The following SLC12A5 variants were observed in gnomAD, a reference collection of about 807,000 sequenced individuals.
SLC12A5 encodes solute carrier family 12 member 5.
A neutral mutation model predicts 124.0 loss-of-function variants in SLC12A5; 18 were observed. That is an observed-to-expected ratio of 0.15 (90% confidence interval 0.10 to 0.22). The LOEUF (loss-of-function observed/expected upper bound fraction) is 0.22, where lower values mean the gene tolerates loss of function less well. Ranked by LOEUF, SLC12A5 falls within the 10% of genes least tolerant of loss-of-function variation. The pLI, the probability that SLC12A5 is intolerant of heterozygous loss-of-function variation, is 1.00. For missense variants in SLC12A5, 867 were observed against 1,478.7 expected, an observed-to-expected ratio of 0.59 and a Z score of 6.78; for synonymous variants, 589 against 568.0, an observed-to-expected ratio of 1.04 and a Z score of -0.53.
At chr20:46,036,057 A>G in intron 4 of SLC12A5, 134 bp downstream of exon 4, 1 of 1,145,420 alleles carries the variant, frequency 8.7e-7, no homozygotes, top group Non-Finnish European at 1.2e-6. Context: ...TTTGAGAGTA[A>G]ATTAGGCCTG....
chr20:46,043,411 A>C (rs1481960092), intron 9 of SLC12A5, 88 bp downstream of exon 9: 2 of 1,478,066 alleles, frequency 1.4e-6, no homozygotes. Flanking sequence ...TTCTTAGTCC[A>C]AAAACCCCAT....
At chr20:46,033,515 C>T (rs2084471759) in intron 1 of SLC12A5, among the ~76,000 whole-genome samples, 1 of 152,198 alleles carries the variant, frequency 6.6e-6, no homozygotes, top group Admixed American at 6.5e-5. Flanking sequence ...ACGCATACTA[C>T]ACATGTTTAC....
At chr20:46,049,179 A>G (rs2084626176) in intron 16 of SLC12A5, among the ~76,000 whole-genome samples, 1 of 152,200 alleles carries the variant, frequency 6.6e-6, no homozygotes, top group African/African-American at 2.4e-5. Context: ...TGCTTAGAGA[A>G]TGCTACGAAG....
chr20:46,035,065 C>T, intron 2 of SLC12A5, 23 bp downstream of exon 2: 4 of 1,606,214 alleles, frequency 2.5e-6, no homozygotes, highest in Non-Finnish European at 3.4e-6. Context: ...GGCTGTTGGG[C>T]CCCCACCTAC....
At chr20:46,026,725 G>A (rs2084402899), upstream of SLC12A5, among the ~76,000 whole-genome samples, 1 of 152,200 alleles carries the variant, frequency 6.6e-6, no homozygotes, top group Non-Finnish European at 1.5e-5. Context: ...CCACAGAGAG[G>A]AACCTGATTT....
In SLC12A5 at chr20:46,035,315, C is replaced by G. The variant is rs533208429; in HGVS notation, c.148-89C>G. On this transcript the variant is annotated intron_variant, in intron 2 of 25. Coordinates refer to ENST00000243964, the MANE Select transcript of SLC12A5 (RefSeq NM_020708.5). The stretch of plus-strand genomic sequence containing the variant: ...TCCCAACCTGAATAGTTTCGTGCTC[C>G]TTGTCCCCATCTCTTCCTCTGCCCT... The G allele has an allele frequency of 2.8e-5, 43 of 1,510,738 alleles. No individual in the cohort carries two copies. In the African/African-American group the frequency reaches 3.2e-4, roughly 11 times the overall value. 93.6% of individuals were successfully genotyped at this position (1,510,738 alleles called of 1,614,324 possible). A position where few individuals can be genotyped will look rare whatever the true frequency, so the allele number is the denominator to read the frequency against.
At position 46,029,391 on chromosome 20, in the gene SLC12A5, A is replaced by G. The variant is rs1298400244; in HGVS notation, c.47A>G (p.Asn16Ser). Reference protein sequence around the residue: ...TDCEDGDGGANPGDGNPKESS... With the variant: ...TDCEDGDGGASPGDGNPKESS... The stretch of plus-strand genomic sequence containing the variant: ...TGCGAGGACGGCGATGGGGGAGCCA[A>G]CCCGGGTAAGCTGTGGTCCGGGGGC... Residue 16 changes from asparagine (N) to serine (S), a missense_variant, in exon 1 of 26, where the codon AAC (asparagine) becomes AGC (serine). Physicochemically the swap from Asn to Ser is conservative, Grantham distance 46. Transcript: ENST00000243964. The G allele has an allele frequency of 2.0e-6, 3 of 1,536,536 alleles. No homozygotes were observed. Among genetic ancestry groups the G allele is most frequent in the African/African-American group, 2.8e-5 (2 of 72,166 alleles).
In SLC12A5 at chr20:46,057,575, C is replaced by T. The variant is rs1413192522; in HGVS notation, c.3321C>T (p.Gly1107=). Residue 1107 remains glycine (G), a synonymous_variant, in exon 26 of 26, where the codon GGC becomes GGT. Coordinates refer to ENST00000243964, the MANE Select transcript of SLC12A5 (RefSeq NM_020708.5). The surrounding 1 kb of genome is among the most constrained non-coding windows in gnomAD (Gnocchi z 7.1). The part of the protein sequence containing the change: ...HLDRVMLVRG[G]GREVITIYS ...ACCGGGTGATGCTGGTCCGCGGCGGCGGCCGCGAGGTCATCACCATCTACT... is the reference window on the plus strand; with the variant it reads ...ACCGGGTGATGCTGGTCCGCGGCGGTGGCCGCGAGGTCATCACCATCTACT... 2.0e-5 allele frequency: 33 copies of T among 1,613,818 alleles called. No individual in the cohort carries two copies. Among genetic ancestry groups the T allele is most frequent in the Admixed American group, 3.3e-5 (2 of 60,002 alleles).
chr20:46,025,962 A>G (rs2084394702), upstream of SLC12A5, among the ~76,000 whole-genome samples: 1 of 152,128 alleles, frequency 6.6e-6, no homozygotes, highest in African/African-American at 2.4e-5. Context: ...GCCTCCTGTG[A>G]AAAGAGGACC....
At chr20:46,024,815 G>A (rs1032327761), upstream of SLC12A5, among the ~76,000 whole-genome samples, 13 of 152,228 alleles carry the variant, frequency 8.5e-5, no homozygotes, top group Non-Finnish European at 1.6e-4. Context: ...TGGTGACTTG[G>A]ATGAACAGAA....
At position 46,054,028 on chromosome 20, in the gene SLC12A5, C is replaced by T. The variant is rs552980473; in HGVS notation, c.2679+319C>T. 6.6e-5 allele frequency among the ~76,000 whole-genome samples: 10 copies of T among 152,282 alleles called. No individual in the cohort carries two copies. The South Asian group carries it at 1.9e-3, about 28-fold the overall frequency. Reference sequence around the variant, plus strand: ...TATGAAGTGCAGAGAAGTACAGTCACGTATTCATTGCTTAACAACAGGGAT... The same window carrying T: ...TATGAAGTGCAGAGAAGTACAGTCATGTATTCATTGCTTAACAACAGGGAT... On this transcript the variant is annotated intron_variant, in intron 20 of 25. Transcript: ENST00000243964.
chr20:46,045,967 C>T lies in SLC12A5; in HGVS notation c.1659C>T (p.Ser553=). The T allele has an allele frequency of 6.2e-7, 1 of 1,614,130 alleles. No individual in the cohort carries two copies. Among genetic ancestry groups the T allele is most frequent in the Non-Finnish European group, 8.5e-7 (1 of 1,180,008 alleles). The change falls in exon 13 of 26, where the codon TCC becomes TCT. Residue 553 remains serine (S), a synonymous_variant. Transcript: ENST00000243964. The surrounding 1 kb of genome is among the most constrained non-coding windows in gnomAD (Gnocchi z 4.9). Reference sequence around the variant, plus strand: ...GCGAGATTGGCATCCTCATTGCATCCCTCGACGAGGTGGCCCCCATCCTCT... The same window carrying T: ...GCGAGATTGGCATCCTCATTGCATCTCTCGACGAGGTGGCCCCCATCCTCT... The part of the protein sequence containing the change: ...CICEIGILIA[S]LDEVAPILSM...
Position 46,045,814 on chromosome 20 carries a change from G to T in SLC12A5, c.1570-64G>T. 3 of 1,372,506 alleles carry T rather than the reference G, an allele frequency of 2.2e-6. No individual in the cohort carries two copies. The highest frequency in any genetic ancestry group is 2.1e-6 in the Non-Finnish European group (2 of 968,318). The allele number at this position is 1,372,506 out of a possible 1,614,324, so 85.0% of individuals were successfully genotyped here. A position where few individuals can be genotyped will look rare whatever the true frequency, so the allele number is the denominator to read the frequency against. ...CTGCCTCTACTCCACTGGTTCCCGA[G>T]GCTAGGGGAGAGGGCTGAGAAATCC... is the stretch of plus-strand genomic sequence containing the variant. On this transcript the variant is annotated intron_variant, in intron 12 of 25. Transcript: ENST00000243964. The surrounding 1 kb of genome is among the most constrained non-coding windows in gnomAD (Gnocchi z 4.9).
In SLC12A5 at chr20:46,051,686, C is replaced by A; in HGVS notation, c.2193C>A (p.Arg731=). 6.2e-7 allele frequency: 1 copy of A among 1,608,556 alleles called. No homozygotes were observed. Among genetic ancestry groups the A allele is most frequent in the South Asian group, 1.1e-5 (1 of 90,120 alleles). Reference sequence around the variant, plus strand: ...TCCCCCTCCCCTAGTCTATCAGGCGCCTGATGGAGGCAGAGAAGGTGAAGG... The same window carrying A: ...TCCCCCTCCCCTAGTCTATCAGGCGACTGATGGAGGCAGAGAAGGTGAAGG... ...QAQRAEESIR[R]LMEAEKVKGF... Residue 731 remains arginine (R), a synonymous_variant, in exon 18 of 26, where the codon CGC becomes CGA. Transcript: ENST00000243964.
At position 46,057,815 on chromosome 20, in the gene SLC12A5, A is replaced by C. The variant is rs557169399; in HGVS notation, c.*210A>C. On this transcript the variant is annotated 3_prime_UTR_variant, in exon 26 of 26. Coordinates refer to ENST00000243964, the MANE Select transcript of SLC12A5 (RefSeq NM_020708.5). The surrounding 1 kb of genome is among the most constrained non-coding windows in gnomAD (Gnocchi z 7.1). ...GCAGAGACCAGAGCTCCTCAGTGCCAGTTTGGCCCCTGGGTCTTCGCTGCC... is the reference window on the plus strand; with the variant it reads ...GCAGAGACCAGAGCTCCTCAGTGCCCGTTTGGCCCCTGGGTCTTCGCTGCC... 3.8e-4 allele frequency: 194 copies of C among 508,040 alleles called. 4 individuals carry two copies. In the South Asian group the frequency reaches 5.7e-3, roughly 15 times the overall value. 31.5% of individuals were successfully genotyped at this position (508,040 alleles called of 1,614,324 possible). A position where few individuals can be genotyped will look rare whatever the true frequency, so the allele number is the denominator to read the frequency against.
At position 46,049,604 on chromosome 20, in the gene SLC12A5, ACT is replaced by A. The variant is rs1475335511; in HGVS notation, c.2013-15_2013-14del. ...GGTTACATGGTATATGGATTATGTG[ACT>A]CTGCACACTCTTCAGGCCACAGCTG... On this transcript the variant is annotated splice_polypyrimidine_tract_variant and intron_variant, in intron 16 of 25. Transcript: ENST00000243964. The A allele has an allele frequency of 3.1e-6, 5 of 1,590,960 alleles. No homozygotes were observed. The highest frequency in any genetic ancestry group is 4.3e-6 in the Non-Finnish European group (5 of 1,168,996).
chr20:46,046,279 G>A, intron 13 of SLC12A5, 59 bp from the exon 14 acceptor site: 4 of 1,461,564 alleles, frequency 2.7e-6, no homozygotes, highest in Non-Finnish European at 3.8e-6. Context: ...CCATGCTGTT[G>A]TTTCTGTTTC....
At position 46,041,387 on chromosome 20, in the gene SLC12A5, C is replaced by G; in HGVS notation, c.913C>G (p.Leu305Val). The stretch of plus-strand genomic sequence containing the variant: ...CCATGGCTTTGATGTCTGTGCCAAG[C>G]TGGCTTGGGAAGGAAATGAGACGGT... ...SRHGFDVCAK[L>V]AWEGNETVTT... The change falls in exon 8 of 26, where the codon CTG becomes GTG. Residue 305 changes from leucine to valine, a missense_variant. Around this residue, in one of 9 missense-constraint regions of SLC12A5, gnomAD observed 127 missense variants for 164.1 expected, o/e 0.77. Transcript: ENST00000243964. The G allele has an allele frequency of 6.2e-7, 1 of 1,614,150 alleles. No homozygotes were observed. Among genetic ancestry groups the G allele is most frequent in the Non-Finnish European group, 8.5e-7 (1 of 1,180,012 alleles).
At chr20:46,025,106 C>G (rs2084386243), upstream of SLC12A5, among the ~76,000 whole-genome samples, 1 of 152,136 alleles carries the variant, frequency 6.6e-6, no homozygotes, top group South Asian at 2.1e-4. Flanking sequence ...CTTAATATAC[C>G]CATCTGTAGT....
Sources: gnomAD v4.1 joint callset for allele counts (sites outside exome capture counted in the v4.1 genomes callset) on GRCh38, gnomAD v4.1.1 for gene constraint, gnomAD v4.1.1 regional missense constraint, Gnocchi (gnomAD v3.1) non-coding constraint, MANE v1.5 for transcripts, NCBI Gene and HGNC (gene_info 2026-07-23, HGNC 2026-07-21) for gene names.